CTSO: variants seen among roughly 807,000 people sequenced by gnomAD.
The protein encoded by CTSO is cathepsin O.
In CTSO, 40 loss-of-function variants were observed where a neutral mutation model predicts 42.4. The observed-to-expected ratio is 0.94, with a 90% CI of 0.73 to 1.23. The LOEUF is 1.23. Ranked by LOEUF, CTSO falls within the 50% of genes most tolerant of loss-of-function variation. The pLI is 0.00. For missense variants in CTSO, 441 were observed against 396.0 expected (o/e 1.11, Z -0.96); for synonymous variants, 156 against 146.2 (o/e 1.07, Z -0.48).
At chr4:155,945,868 C>T (rs371327193) in intron 1 of CTSO, among the ~76,000 whole-genome samples, 81 of 152,154 alleles carry the variant, frequency 5.3e-4, no homozygotes, top group African/African-American at 1.8e-3. Flanking sequence ...ATCATCAGTA[C>T]GATACACCAT....
intron 1 of CTSO, among the ~76,000 whole-genome samples, chr4:155,943,655 A>G (rs1743480717): frequency 6.6e-6 from 1 of 152,218 alleles, no homozygotes; most frequent in Non-Finnish European, 1.5e-5. Flanking sequence ...AATTATGAAT[A>G]TGGAATATGT....
chr4:155,942,572 C>T, intron 2 of CTSO, 116 bp from the exon 3 acceptor site: 1 of 364,834 alleles, frequency 2.7e-6, no homozygotes. Context: ...TATAGGGAGA[C>T]AACCAATATT....
chr4:155,928,393 C>T lies in CTSO; in HGVS notation c.874G>A (p.Gly292Arg), dbSNP rs747008200. 2 of 1,613,260 alleles carry T rather than the reference C, an allele frequency of 1.2e-6. No homozygotes were observed. The highest frequency in any genetic ancestry group is 1.7e-6 in the Non-Finnish European group (2 of 1,179,526). The change falls in exon 7 of 8, where the codon GGA (glycine) becomes AGA (arginine). Residue 292 changes from glycine (G) to arginine (R), a missense_variant. Transcript: ENST00000433477. ...TPYWIVRNSW[G>R]SSWGVDGYAH... ...TAACCATCTACTCCCCAAGAACTTC[C>T]CCAGGAATTCCGCACAATCCAATAT...
intron 3 of CTSO, among the ~76,000 whole-genome samples, chr4:155,941,427 T>C (rs1247779780): frequency 6.6e-6 from 1 of 152,202 alleles, no homozygotes; most frequent in Non-Finnish European, 1.5e-5. Flanking sequence ...CTTTCCTTCC[T>C]AGTTCAAAGG....
intron 1 of CTSO, among the ~76,000 whole-genome samples, chr4:155,951,533 CTA>C (rs1204245533): frequency 2.0e-5 from 3 of 152,158 alleles, no homozygotes; most frequent in Admixed American, 6.5e-5. Flanking sequence ...AAGTCATGGG[CTA>C]ACCTAACTTT....
chr4:155,953,699 C>T lies in CTSO; in HGVS notation c.135+14G>A. 7.9e-7 allele frequency: 1 copy of T among 1,260,148 alleles called. No individual in the cohort carries two copies. The highest frequency in any genetic ancestry group is 1.0e-6 in the Non-Finnish European group (1 of 1,002,834). 78.1% of individuals were successfully genotyped at this position (1,260,148 alleles called of 1,614,324 possible). A position where few individuals can be genotyped will look rare whatever the true frequency, so the allele number is the denominator to read the frequency against. Reference sequence around the variant, plus strand: ...GGAGCAGGGACAGATCCCGGGGAGGCGCGCGCTCGGTACCCGGAAGGCGGC... The same window carrying T: ...GGAGCAGGGACAGATCCCGGGGAGGTGCGCGCTCGGTACCCGGAAGGCGGC... On this transcript the variant is annotated intron_variant, in intron 1 of 7. Transcript: ENST00000433477.
Position 155,939,427 on chromosome 4 carries a change from T to C in CTSO, c.496A>G (p.Asn166Asp). The change falls in exon 4 of 8, where the codon AAT becomes GAT. Residue 166 changes from asparagine to aspartate, a missense_variant. Transcript: ENST00000433477. ...GAGCCTCCATTGCAGCCATAATTAT[T>C]ATACGAACAGTCAATGACCTGCTGG... ...SVQQVIDCSYNNYGCNGGSTL... is the reference protein window; with the variant it reads ...SVQQVIDCSYDNYGCNGGSTL... The C allele has an allele frequency of 6.2e-7, 1 of 1,614,132 alleles. No individual in the cohort carries two copies. Among genetic ancestry groups the C allele is most frequent in the Non-Finnish European group, 8.5e-7 (1 of 1,179,988 alleles).
intron 1 of CTSO, among the ~76,000 whole-genome samples, chr4:155,947,180 T>C (rs1297512333): frequency 1.3e-5 from 2 of 152,162 alleles, no homozygotes; most frequent in African/African-American, 4.8e-5. Context: ...TTTGCAACAA[T>C]TTGAAATGTC....
intron 2 of CTSO, 66 bp from the exon 3 acceptor site, chr4:155,942,522 C>G: frequency 1.4e-6 from 1 of 702,654 alleles, no homozygotes; most frequent in Non-Finnish European, 1.9e-6. Context: ...TTATATATAT[C>G]ATATATATTT....
At chr4:155,929,500 T>A in intron 6 of CTSO, 42 bp downstream of exon 6, 2 of 1,575,222 alleles carry the variant, frequency 1.3e-6, no homozygotes, top group Non-Finnish European at 1.7e-6. Flanking sequence ...GCACTCAGTG[T>A]CCATGCTGGA....
chr4:155,950,870 G>A (rs1448519780), intron 1 of CTSO, among the ~76,000 whole-genome samples: 6 of 150,120 alleles, frequency 4.0e-5, no homozygotes, highest in East Asian at 3.9e-4. Context: ...ACCCCAGTCC[G>A]TGGAAAAATT....
At chr4:155,938,771 A>AAAAAC (rs1743375333) in intron 4 of CTSO, among the ~76,000 whole-genome samples, 1 of 149,500 alleles carries the variant, frequency 6.7e-6, no homozygotes, top group Non-Finnish European at 1.5e-5. Context: ...CTAAAAAAAC[A>AAAAAC]AAAACAAAAA....
At position 155,928,415 on chromosome 4, in the gene CTSO, A is replaced by G. The variant is rs1743169955; in HGVS notation, c.852T>C (p.Tyr284=). The G allele has an allele frequency of 1.2e-6, 2 of 1,610,428 alleles. No individual in the cohort carries two copies. Among genetic ancestry groups the G allele is most frequent in the African/African-American group, 2.7e-5 (2 of 74,928 alleles). Reference sequence around the variant, plus strand: ...TTCCCCAGGAATTCCGCACAATCCAATATGGAGTGCTTCCTACAGTGAAAC... The same window carrying G: ...TTCCCCAGGAATTCCGCACAATCCAGTATGGAGTGCTTCCTACAGTGAAAC... ...TGFDKTGSTP[Y]WIVRNSWGSS... The change falls in exon 7 of 8, where the codon TAT becomes TAC. Residue 284 remains tyrosine (Y), a synonymous_variant. Transcript: ENST00000433477.
At chr4:155,943,719 TG>T (rs1743481722) in intron 1 of CTSO, among the ~76,000 whole-genome samples, 5 of 152,154 alleles carry the variant, frequency 3.3e-5, no homozygotes, top group Non-Finnish European at 5.9e-5. Flanking sequence ...AAAAACAGAC[TG>T]GGTAAATAAA....
chr4:155,927,679 G>A (rs1209438054), intron 7 of CTSO, among the ~76,000 whole-genome samples: 1 of 152,084 alleles, frequency 6.6e-6, no homozygotes, highest in Non-Finnish European at 1.5e-5. Context: ...GGAGGCTGAG[G>A]CAGGAGAAGA....
intron 5 of CTSO, among the ~76,000 whole-genome samples, chr4:155,930,891 T>A (rs965574224): frequency 1.3e-5 from 2 of 152,188 alleles, no homozygotes; most frequent in African/African-American, 4.8e-5. Flanking sequence ...AAACAGTTCA[T>A]ATTAACTAAG....
rs572275395 is a variant in CTSO at position 155,948,482 on chromosome 4, T to C, written c.136-5218A>G. Among the ~76,000 whole-genome samples the C allele has an allele frequency of 5.4e-4, 82 of 152,246 alleles. No homozygotes were observed. The Middle Eastern group carries it at 0.01, about 19-fold the overall frequency. ...CTAAGCAGTGTCTTCCATATTCTAA[T>C]TTCCCGCCTGTTAGCCTAGCTAGGA... On this transcript the variant is annotated intron_variant, in intron 1 of 7. Coordinates refer to ENST00000433477, the MANE Select transcript of CTSO (RefSeq NM_001334.3).
Position 155,953,690 on chromosome 4 carries a change from C to T in CTSO, c.135+23G>A, listed in dbSNP as rs372829332. The T allele has an allele frequency of 1.1e-3, 1,437 of 1,258,504 alleles. 28 individuals carry two copies. In the East Asian group the frequency reaches 0.037, roughly 32 times the overall value. The allele number at this position is 1,258,504 out of a possible 1,614,324, so 78.0% of individuals were successfully genotyped here. A position where few individuals can be genotyped will look rare whatever the true frequency, so the allele number is the denominator to read the frequency against. On this transcript the variant is annotated intron_variant, in intron 1 of 7. Transcript: ENST00000433477. ...GGAAGTGAGGGAGCAGGGACAGATC[C>T]CGGGGAGGCGCGCGCTCGGTACCCG...
chr4:155,926,382 C>T (rs1743129202), intron 7 of CTSO, among the ~76,000 whole-genome samples: 1 of 152,164 alleles, frequency 6.6e-6, no homozygotes, highest in African/African-American at 2.4e-5. Flanking sequence ...TAAACTAATA[C>T]ATTATTTCTT....
Sources: allele counts gnomAD v4.1 joint callset (sites outside exome capture counted in the v4.1 genomes callset), GRCh38; gene constraint gnomAD v4.1.1; transcripts MANE v1.5; gene names NCBI Gene and HGNC (gene_info 2026-07-23, HGNC 2026-07-21).